Variants in VPS13A observed in about 807,000 individuals in gnomAD.
VPS13A encodes the protein vacuolar protein sorting 13 homolog A.
Under a neutral mutation model 390.9 loss-of-function variants are expected in VPS13A, and 264 were observed. That is an observed-to-expected ratio of 0.68 (90% CI 0.61 to 0.75). The LOEUF (loss-of-function observed/expected upper bound fraction) is 0.75. VPS13A is among the 30% of genes least tolerant of loss of function. VPS13A has a pLI of 0.00. For missense variants in VPS13A, 3,409 were observed against 3,733.9 expected (o/e 0.91, Z 2.27); for synonymous variants, 1,231 against 1,227.1 (o/e 1.00, Z -0.07).
intron 1 of VPS13A, 139 bp downstream of exon 1, chr9:77,177,943 CAAGTT>C (rs951360363): frequency 8.6e-6 from 6 of 697,662 alleles, no homozygotes; most frequent in Admixed American, 2.5e-5. Flanking sequence ...GCCTGTGGGT[CAAGTT>C]ACGTAAAGCC....
chr9:77,300,976 G>T (rs981889654), intron 33 of VPS13A, among the ~76,000 whole-genome samples: 4 of 152,266 alleles, frequency 2.6e-5, no homozygotes, highest in East Asian at 3.9e-4. Context: ...AAATATAGAG[G>T]ACATAATAAA....
rs146499182 is a variant in VPS13A, at chr9:77,275,701, A to G, written c.2667+49A>G. The G allele has an allele frequency of 1.4e-4, 222 of 1,572,916 alleles. No individual in the cohort carries two copies. In the African/African-American group the frequency reaches 2.3e-3, roughly 17 times the overall value. On this transcript the variant is annotated intron_variant, in intron 25 of 71. Transcript: ENST00000360280. ...ATGGCTTAATTTGTTTGCTGTTTCT[A>G]TATTTACAGCTTACTATATAGTCTC...
At chr9:77,304,884 T>A (rs548259881) in intron 34 of VPS13A, among the ~76,000 whole-genome samples, 2 of 152,096 alleles carry the variant, frequency 1.3e-5, no homozygotes, top group Non-Finnish European at 2.9e-5. Context: ...TATTTCTTTC[T>A]GTAAAAATTT....
At chr9:77,259,135 A>G (rs1421198237) in intron 22 of VPS13A, among the ~76,000 whole-genome samples, 2 of 152,186 alleles carry the variant, frequency 1.3e-5, no homozygotes, top group Non-Finnish European at 2.9e-5. Context: ...TAAAGTGGAT[A>G]TGATATGTCA....
At chr9:77,303,578 G>A (rs931665796) in intron 34 of VPS13A, among the ~76,000 whole-genome samples, 5 of 152,052 alleles carry the variant, frequency 3.3e-5, no homozygotes, top group Non-Finnish European at 5.9e-5. Context: ...CACTGGCACC[G>A]GCCTCTGAGT....
chr9:77,389,442 A>G (rs1833818783), intron 68 of VPS13A, among the ~76,000 whole-genome samples: 1 of 151,674 alleles, frequency 6.6e-6, no homozygotes, highest in African/African-American at 2.4e-5. Flanking sequence ...AGTAGCTGGG[A>G]CTACAGGCAT....
At chr9:77,260,872 GTA>G (rs1825722208) in intron 23 of VPS13A, among the ~76,000 whole-genome samples, 1 of 151,716 alleles carries the variant, frequency 6.6e-6, no homozygotes, top group Non-Finnish European at 1.5e-5. Flanking sequence ...TGTGTATGTA[GTA>G]TGTGTGTGTA....
chr9:77,316,203 A>C lies in VPS13A; in HGVS notation c.4660A>C (p.Ile1554Leu). 7 of 1,612,418 alleles carry C rather than the reference A, an allele frequency of 4.3e-6. No individual in the cohort carries two copies. The highest frequency in any genetic ancestry group is 5.9e-6 in the Non-Finnish European group (7 of 1,178,818). The change falls in exon 39 of 72, where the codon ATT becomes CTT. Residue 1554 changes from isoleucine (I) to leucine (L), a missense_variant. Ile to Leu is a conservative substitution (Grantham distance 5). Around this residue, in one of 5 missense-constraint regions of VPS13A, gnomAD observed 2,717 missense variants for 2,917.4 expected, o/e 0.93. Coordinates refer to ENST00000360280, the MANE Select transcript of VPS13A (RefSeq NM_033305.3). ...TACACAGGAATCAGTGAAGTGGGAAATTAATGTTATTATTAAAAATCCTGA... is the reference window on the plus strand; with the variant it reads ...TACACAGGAATCAGTGAAGTGGGAACTTAATGTTATTATTAAAAATCCTGA... ...VPTQESVKWE[I>L]NVIIKNPEIV... is the part of the protein sequence containing the mutation.
rs200298432 is a variant in VPS13A at position 77,228,555 on chromosome 9, TA to T, written c.1595+292del. On this transcript the variant is annotated intron_variant, in intron 17 of 71. Coordinates refer to ENST00000360280, the MANE Select transcript of VPS13A (RefSeq NM_033305.3). The stretch of plus-strand genomic sequence containing the variant: ...GTTTTTATCTGAGAGTTTTTAGTTT[TA>T]TTTTTTTTAAAGTAGCTTTGAGATG... Among the ~76,000 whole-genome samples, 1,163 of 152,288 alleles carry T rather than the reference TA, an allele frequency of 7.6e-3. 13 individuals carry two copies. The highest frequency in any genetic ancestry group is 0.021 in the South Asian group (103 of 4,824).
chr9:77,382,741 A>G (rs1488858189), intron 68 of VPS13A: 1 of 986,198 alleles, frequency 1.0e-6, no homozygotes, highest in African/African-American at 1.7e-5. Flanking sequence ...GCTTTATTCT[A>G]GTGTAGTCTT....
intron 32 of VPS13A, 39 bp downstream of exon 32, chr9:77,293,547 T>C: frequency 8.3e-7 from 1 of 1,210,360 alleles, no homozygotes; most frequent in Non-Finnish European, 1.1e-6. Context: ...TTTATACTAA[T>C]TGGAAATTGC....
At chr9:77,255,797 G>C (rs562821824) in intron 22 of VPS13A, among the ~76,000 whole-genome samples, 82 of 152,082 alleles carry the variant, frequency 5.4e-4, no homozygotes, top group African/African-American at 1.9e-3. Context: ...AAAATTGTTT[G>C]TAATTGTCTC....
intron 55 of VPS13A, 34 bp from the exon 56 acceptor site, chr9:77,357,658 T>G: frequency 6.2e-7 from 1 of 1,605,134 alleles, no homozygotes; most frequent in South Asian, 1.1e-5. Context: ...TATAGATAAA[T>G]TAATTTTTTC....
chr9:77,415,831 G>A (rs571472996), intron 71 of VPS13A, 125 bp from the exon 72 acceptor site: 7 of 1,051,006 alleles, frequency 6.7e-6, no homozygotes, highest in African/African-American at 6.3e-5. Flanking sequence ...TGAATTTTAT[G>A]TATTGGCTGT....
chr9:77,198,541 G>A (rs1825135048), intron 1 of VPS13A, among the ~76,000 whole-genome samples: 1 of 151,554 alleles, frequency 6.6e-6, no homozygotes, highest in African/African-American at 2.4e-5. Context: ...TGCTCTTTTG[G>A]TTATTTTTGC....
chr9:77,388,495 G>A (rs1215386317), intron 68 of VPS13A, among the ~76,000 whole-genome samples: 3 of 151,958 alleles, frequency 2.0e-5, no homozygotes, highest in Non-Finnish European at 2.9e-5. Context: ...CATATCAACC[G>A]ATATATAGCA....
At chr9:77,179,797 T>G (rs1823898070) in intron 1 of VPS13A, among the ~76,000 whole-genome samples, 1 of 151,090 alleles carries the variant, frequency 6.6e-6, no homozygotes, top group African/African-American at 2.4e-5. Context: ...CCATCACCAC[T>G]CTCTCATTCC....
Position 77,213,023 on chromosome 9 carries a change from C to T in VPS13A, c.610C>T (p.Arg204Cys), listed in dbSNP as rs752509925. The T allele has an allele frequency of 1.1e-5, 18 of 1,613,446 alleles. No homozygotes were observed. The highest frequency in any genetic ancestry group is 1.7e-5 in the Admixed American group (1 of 59,954). Residue 204 changes from arginine to cysteine, a missense_variant, in exon 8 of 72, where the codon CGT becomes TGT. This residue lies in a region of VPS13A where 2,717 missense variants were observed against 2,917.4 expected (regional missense o/e 0.93). Transcript: ENST00000360280. ...ACATGATGAAACTGAGAAACTGGTT[C>T]GTAAGGTAAATAAATACTGTGTTTG... The part of the protein sequence containing the change: ...CLHDETEKLV[R>C]KLIRLDNLFA...
At chr9:77,351,512 G>C in intron 53 of VPS13A, 66 bp downstream of exon 53, 2 of 1,578,244 alleles carry the variant, frequency 1.3e-6, no homozygotes, top group Non-Finnish European at 1.7e-6. Flanking sequence ...GGCCGGGTGC[G>C]GTGGCTCACG....
Sources: gnomAD v4.1 joint callset for allele counts (sites outside exome capture counted in the v4.1 genomes callset) on GRCh38, gnomAD v4.1.1 for gene constraint, gnomAD v4.1.1 regional missense constraint, MANE v1.5 for transcripts, NCBI Gene and HGNC (gene_info 2026-07-23, HGNC 2026-07-21) for gene names.